TAF5L: variants seen among roughly 807,000 people sequenced by gnomAD.
The protein encoded by TAF5L is TAF5-like RNA polymerase II p300/CBP-associated factor-associated factor 65 kDa subunit 5L.
Under a neutral mutation model 51.3 loss-of-function variants are expected in TAF5L, and 7 were observed. The ratio of observed to expected loss-of-function variants is 0.14; its 90% CI spans 0.08 to 0.26. The LOEUF is 0.26. TAF5L is among the 10% of genes least tolerant of loss of function. The probability of loss-of-function intolerance (pLI) is 1.00; values close to 1 mark genes in which losing one functional copy is unlikely to be tolerated. For missense variants in TAF5L, 575 were observed against 758.9 expected, an observed-to-expected ratio of 0.76 and a Z score of 2.85; for synonymous variants, 291 against 308.1, an observed-to-expected ratio of 0.94 and a Z score of 0.58.
intron 1 of TAF5L, among the ~76,000 whole-genome samples, chr1:229,617,134 G>A (rs1387442110): frequency 6.6e-6 from 1 of 152,010 alleles, no homozygotes; most frequent in Non-Finnish European, 1.5e-5. Flanking sequence ...TGAGAGTGGG[G>A]TCCCTGCTCC....
Position 229,602,042 on chromosome 1 carries a change from A to G in TAF5L, c.972+153T>C. 6.8e-7 allele frequency: 1 copy of G among 1,472,600 alleles called. No homozygotes were observed. Among genetic ancestry groups the G allele is most frequent in the Non-Finnish European group, 9.0e-7 (1 of 1,114,216 alleles). The allele number at this position is 1,472,600 out of a possible 1,614,324, so 91.2% of individuals were successfully genotyped here. A position where few individuals can be genotyped will look rare whatever the true frequency, so the allele number is the denominator to read the frequency against. ...CATCTTAGGTTAGGCATGTGCAGGA[A>G]TTCAATGGCTACAGGTAACATGTCA... is the stretch of plus-strand genomic sequence containing the variant. On this transcript the variant is annotated intron_variant, in intron 4 of 4. Coordinates refer to ENST00000258281, the Ensembl canonical transcript of TAF5L. The surrounding 1 kb of genome is among the most constrained non-coding windows in gnomAD (Gnocchi z 4.6).
intron 3 of TAF5L, among the ~76,000 whole-genome samples, chr1:229,608,274 G>A (rs1664668563): frequency 6.6e-6 from 1 of 152,148 alleles, no homozygotes; most frequent in African/African-American, 2.4e-5. Flanking sequence ...ACCCTCTAGT[G>A]GGGTTATCTT....
In TAF5L at chr1:229,625,597, C is replaced by G. The variant is rs1329287225; in HGVS notation, c.-4+288G>C. On this transcript the variant is annotated intron_variant, in intron 1 of 4. Transcript: ENST00000258281. The surrounding 1 kb of genome is among the most constrained non-coding windows in gnomAD (Gnocchi z 4.0). ...CCCGGCATCCAACCCGCAGGACCCA[C>G]CCCTGCGCAGGAACGCGACGCCAGT... Among the ~76,000 whole-genome samples the G allele has an allele frequency of 6.6e-6, 1 of 151,918 alleles. No individual in the cohort carries two copies. The highest frequency in any genetic ancestry group is 1.9e-4 in the East Asian group (1 of 5,156).
intron 1 of TAF5L, among the ~76,000 whole-genome samples, chr1:229,624,796 A>G (rs1378857741): frequency 6.6e-6 from 1 of 152,196 alleles, no homozygotes; most frequent in Admixed American, 6.5e-5. Context: ...TATTAAGCAC[A>G]AAACTCCCTT....
At chr1:229,607,891 T>A (rs1664651452) in intron 3 of TAF5L, 1 of 152,220 alleles carries the variant, frequency 6.6e-6, no homozygotes, top group Admixed American at 6.5e-5. Context: ...CAATATATAT[T>A]AACCCCTTTA....
At chr1:229,623,148 C>T (rs1241788402) in intron 1 of TAF5L, among the ~76,000 whole-genome samples, 1 of 152,138 alleles carries the variant, frequency 6.6e-6, no homozygotes, top group Non-Finnish European at 1.5e-5. Flanking sequence ...GTGGTGCATG[C>T]CTGTAGTCCC....
chr1:229,617,988 A>G (rs1665068648), intron 1 of TAF5L, among the ~76,000 whole-genome samples: 1 of 152,172 alleles, frequency 6.6e-6, no homozygotes. Flanking sequence ...CAAATACTAG[A>G]GACACGACCC....
At chr1:229,605,797 A>G (rs1172422693) in intron 3 of TAF5L, among the ~76,000 whole-genome samples, 2 of 152,188 alleles carry the variant, frequency 1.3e-5, no homozygotes, top group Non-Finnish European at 2.9e-5. Flanking sequence ...TTTGAACTGC[A>G]ACACTAACTC....
intron 1 of TAF5L, among the ~76,000 whole-genome samples, chr1:229,615,137 G>C (rs925137074): frequency 1.3e-5 from 2 of 152,008 alleles, no homozygotes; most frequent in Admixed American, 1.3e-4. Flanking sequence ...GCCCAGGCTG[G>C]AGTGCATTGG....
intron 4 of TAF5L, among the ~76,000 whole-genome samples, chr1:229,597,244 GT>G (rs1361402928): frequency 6.6e-6 from 1 of 152,230 alleles, no homozygotes; most frequent in Non-Finnish European, 1.5e-5. Flanking sequence ...TGCCTCTGAG[GT>G]GTAAGTGGTC....
intron 2 of TAF5L, among the ~76,000 whole-genome samples, chr1:229,612,606 G>A (rs1458575844): frequency 1.3e-5 from 2 of 152,194 alleles, no homozygotes; most frequent in African/African-American, 2.4e-5. Context: ...TGAAATACGT[G>A]ATGGCAGGCT....
At chr1:229,623,270 G>A (rs12723925) in intron 1 of TAF5L, among the ~76,000 whole-genome samples, 57,535 of 152,130 alleles carry the variant, frequency 0.38, 11,666 homozygotes, top group South Asian at 0.48. Context: ...GTGGAACTCC[G>A]TCTCCAAAAA....
chr1:229,601,664 G>C, intron 4 of TAF5L: 1 of 989,864 alleles, frequency 1.0e-6, no homozygotes, highest in Non-Finnish European at 1.2e-6. Flanking sequence ...GGAGCCACAG[G>C]ATATGCACTG....
chr1:229,614,722 A>G (rs1019092650), intron 1 of TAF5L, among the ~76,000 whole-genome samples: 1 of 152,220 alleles, frequency 6.6e-6, no homozygotes, highest in East Asian at 1.9e-4. Context: ...TAGGAAAAGC[A>G]TCGATAATAA....
At chr1:229,606,548 T>C (rs1664602338) in intron 3 of TAF5L, 1 of 985,454 alleles carries the variant, frequency 1.0e-6, no homozygotes. Flanking sequence ...CCTCTACCTT[T>C]CTTCAAGGTT....
At position 229,594,154 on chromosome 1, in the gene TAF5L, G is replaced by C; in HGVS notation, c.*143C>G. On this transcript the variant is annotated 3_prime_UTR_variant, in exon 5 of 5. Transcript: ENST00000258281. This position sits in a 1 kb window ranked among gnomAD's most constrained non-coding sequence, Gnocchi z 7.9. Reference sequence around the variant, plus strand: ...CTTCGACACTGGGGGGCTGAGTGAAGGGGGACCTGCCCGGAATGAGGGCCC... The same window carrying C: ...CTTCGACACTGGGGGGCTGAGTGAACGGGGACCTGCCCGGAATGAGGGCCC... The C allele has an allele frequency of 1.0e-6, 1 of 972,434 alleles. No homozygotes were observed. The highest frequency in any genetic ancestry group is 1.5e-6 in the Non-Finnish European group (1 of 664,644). The allele number at this position is 972,434 out of a possible 1,614,324, so 60.2% of individuals were successfully genotyped here.
chr1:229,605,108 G>GTGTGTGTATATATATA (rs1553270422), intron 3 of TAF5L, among the ~76,000 whole-genome samples: 1 of 118,622 alleles, frequency 8.4e-6, no homozygotes, highest in African/African-American at 2.9e-5. Context: ...ATTTTTGTAT[G>GTGTGTGTATATATATA]TATATATATA....
intron 2 of TAF5L, among the ~76,000 whole-genome samples, chr1:229,613,258 A>G (rs1422808008): frequency 6.7e-6 from 1 of 149,906 alleles, no homozygotes; most frequent in Non-Finnish European, 1.5e-5. Context: ...TGAGCCTGGG[A>G]AGTTGAGGCT....
At position 229,594,229 on chromosome 1, in the gene TAF5L, G is replaced by C; in HGVS notation, c.*68C>G. On this transcript the variant is annotated 3_prime_UTR_variant, in exon 5 of 5. Transcript: ENST00000258281. The surrounding 1 kb of genome is among the most constrained non-coding windows in gnomAD (Gnocchi z 7.9). ...TTTCACAGTCAATGATTCAATCTCA[G>C]CTCATTGAAGGATTGCAACTGGAGG... 2 of 1,466,798 alleles carry C rather than the reference G, an allele frequency of 1.4e-6. No individual in the cohort carries two copies. Among genetic ancestry groups the C allele is most frequent in the Non-Finnish European group, 1.9e-6 (2 of 1,079,284 alleles). The allele number at this position is 1,466,798 out of a possible 1,614,324, so 90.9% of individuals were successfully genotyped here.
Sources: gnomAD v4.1 joint callset for allele counts (sites outside exome capture counted in the v4.1 genomes callset) on GRCh38, gnomAD v4.1.1 for gene constraint, Gnocchi (gnomAD v3.1) non-coding constraint, MANE v1.5 for transcripts, NCBI Gene and HGNC (gene_info 2026-07-23, HGNC 2026-07-21) for gene names.